Variants in SORCS3 observed in about 807,000 individuals in gnomAD.
SORCS3 encodes the protein sortilin related VPS10 domain containing receptor 3.
Under a neutral mutation model 146.3 loss-of-function variants are expected in SORCS3, and 57 were observed. The ratio of observed to expected loss-of-function variants is 0.39; its 90% CI spans 0.31 to 0.49. SORCS3 has a LOEUF of 0.49. Ranked by LOEUF, SORCS3 falls within the 20% of genes least tolerant of loss-of-function variation. SORCS3 has a pLI of 0.92. For missense variants in SORCS3, 1,341 were observed against 1,575.5 expected (o/e 0.85, Z 2.52); for synonymous variants, 653 against 618.5 (o/e 1.06, Z -0.83).
chr10:105,088,581 G>T (rs2133739727), intron 5 of SORCS3, among the ~76,000 whole-genome samples: 1 of 152,210 alleles, frequency 6.6e-6, no homozygotes, highest in East Asian at 1.9e-4. Context: ...ACCACTTGCA[G>T]CCTTAATTTC....
At chr10:105,119,698 G>T (rs1201633954) in intron 7 of SORCS3, among the ~76,000 whole-genome samples, 1 of 152,196 alleles carries the variant, frequency 6.6e-6, no homozygotes, top group East Asian at 1.9e-4. Context: ...TTTAATGGCT[G>T]CCCTATTGGA....
At chr10:104,850,204 G>A (rs1355454474) in intron 2 of SORCS3, among the ~76,000 whole-genome samples, 1 of 152,112 alleles carries the variant, frequency 6.6e-6, no homozygotes, top group Non-Finnish European at 1.5e-5. Context: ...AATTACTTGT[G>A]GAATGTGTTA....
intron 20 of SORCS3, among the ~76,000 whole-genome samples, chr10:105,225,414 G>T (rs570581894): frequency 6.6e-6 from 1 of 151,770 alleles, no homozygotes; most frequent in Non-Finnish European, 1.5e-5. Context: ...CTATTTCTGG[G>T]CTATTTATTT....
intron 4 of SORCS3, among the ~76,000 whole-genome samples, chr10:105,007,905 C>T (rs2133678494): frequency 6.6e-6 from 1 of 152,202 alleles, no homozygotes; most frequent in Middle Eastern, 3.4e-3. Context: ...GACCTCTTTC[C>T]TGGGAAGAAG....
At chr10:104,942,901 C>A (rs2133619791) in intron 3 of SORCS3, among the ~76,000 whole-genome samples, 1 of 152,250 alleles carries the variant, frequency 6.6e-6, no homozygotes, top group African/African-American at 2.4e-5. Context: ...TAAGGATGCC[C>A]ACTAACACCT....
At chr10:105,045,978 A>G (rs1411487823) in intron 5 of SORCS3, among the ~76,000 whole-genome samples, 2 of 152,162 alleles carry the variant, frequency 1.3e-5, no homozygotes, top group Non-Finnish European at 1.5e-5. Context: ...CCAAGAATCC[A>G]CATCTCAGCT....
chr10:104,879,501 C>T (rs931618735), intron 2 of SORCS3, among the ~76,000 whole-genome samples: 1 of 152,174 alleles, frequency 6.6e-6, no homozygotes, highest in African/African-American at 2.4e-5. Flanking sequence ...TCTTTACTCT[C>T]AACTATATAT....
intron 3 of SORCS3, among the ~76,000 whole-genome samples, chr10:104,964,454 T>G (rs1193842172): frequency 3.3e-5 from 5 of 152,172 alleles, no homozygotes; most frequent in Non-Finnish European, 7.3e-5. Flanking sequence ...ATATGCCACA[T>G]GTTTTACTTA....
At chr10:105,016,314 C>G (rs11814612) in intron 4 of SORCS3, among the ~76,000 whole-genome samples, 1 of 150,974 alleles carries the variant, frequency 6.6e-6, no homozygotes, top group Non-Finnish European at 1.5e-5. Context: ...CCACGCCCAG[C>G]TAATCTTTGT....
chr10:105,137,832 G>A (rs893136689), intron 7 of SORCS3, among the ~76,000 whole-genome samples: 2 of 149,916 alleles, frequency 1.3e-5, no homozygotes, highest in African/African-American at 2.4e-5. Flanking sequence ...GGGTTAGCAA[G>A]TATGTTTACA....
intron 2 of SORCS3, among the ~76,000 whole-genome samples, chr10:104,899,691 C>T (rs966002701): frequency 2.0e-5 from 3 of 152,162 alleles, no homozygotes; most frequent in African/African-American, 7.2e-5. Flanking sequence ...GGGGTTATAC[C>T]AGGCAGATAA....
intron 5 of SORCS3, among the ~76,000 whole-genome samples, chr10:105,057,567 C>CA (rs2055453905): frequency 6.6e-6 from 1 of 152,036 alleles, no homozygotes; most frequent in Admixed American, 6.6e-5. Context: ...CCTGATTTGG[C>CA]AAGAAGAAAA....
intron 1 of SORCS3, among the ~76,000 whole-genome samples, chr10:104,725,631 G>A (rs975112827): frequency 1.3e-5 from 2 of 152,328 alleles, no homozygotes; most frequent in Non-Finnish European, 2.9e-5. Context: ...CACCCAGTTC[G>A]AGCTCCCTGG....
intron 1 of SORCS3, among the ~76,000 whole-genome samples, chr10:104,812,531 T>C (rs1348358071): frequency 6.6e-6 from 1 of 152,242 alleles, no homozygotes; most frequent in African/African-American, 2.4e-5. Context: ...AATAAAAAGC[T>C]TTGTTTCCTC....
At chr10:104,753,825 C>A (rs2017015778) in intron 1 of SORCS3, among the ~76,000 whole-genome samples, 1 of 152,130 alleles carries the variant, frequency 6.6e-6, no homozygotes, top group Non-Finnish European at 1.5e-5. Flanking sequence ...AGATCAATGA[C>A]CAAAAAGTCC....
At chr10:104,883,224 C>T (rs2018648107) in intron 2 of SORCS3, among the ~76,000 whole-genome samples, 1 of 152,168 alleles carries the variant, frequency 6.6e-6, no homozygotes, top group South Asian at 2.1e-4. Flanking sequence ...GAAAGAGCTG[C>T]CTAATTAATC....
chr10:105,059,104 C>T (rs2055465791), intron 5 of SORCS3, among the ~76,000 whole-genome samples: 1 of 152,084 alleles, frequency 6.6e-6, no homozygotes, highest in Non-Finnish European at 1.5e-5. Context: ...ATTTTGAGAA[C>T]CAGAGGAGGT....
At chr10:104,665,400 G>A (rs1170196909) in intron 1 of SORCS3, 1 of 152,186 alleles carries the variant, frequency 6.6e-6, no homozygotes, top group Admixed American at 6.5e-5. Context: ...GCCTCCTGTA[G>A]GACCAAGGGA....
chr10:104,842,947 A>G (rs1280309701), intron 2 of SORCS3, 88 bp downstream of exon 2: 11 of 1,036,882 alleles, frequency 1.1e-5, no homozygotes, highest in Non-Finnish European at 1.7e-5. Context: ...GTGGACTGGA[A>G]GGAGCAGAAG....
Sources: allele counts gnomAD v4.1 joint callset (sites outside exome capture counted in the v4.1 genomes callset), GRCh38; gene constraint gnomAD v4.1.1; transcripts MANE v1.5; gene names NCBI Gene and HGNC (gene_info 2026-07-23, HGNC 2026-07-21).